The following EHD2 variants were observed in gnomAD, a reference collection of about 807,000 sequenced individuals.
EHD2 encodes the protein EH domain-containing protein 2.
A neutral mutation model predicts 41.0 loss-of-function variants in EHD2; 27 were observed. That is an observed-to-expected ratio of 0.66 (90% CI 0.49 to 0.91). The LOEUF is 0.91. Among genes scored for constraint, EHD2 ranks in the 40% least tolerant of loss-of-function variants. The pLI, the probability that EHD2 is intolerant of heterozygous loss-of-function variation, is 0.00. For missense variants in EHD2, 673 were observed against 773.9 expected, an observed-to-expected ratio of 0.87 and a Z score of 1.55; for synonymous variants, 342 against 341.0, an observed-to-expected ratio of 1.00 and a Z score of -0.03.
At chr19:47,737,593 G>C (rs1365955558) in intron 5 of EHD2, among the ~76,000 whole-genome samples, 1 of 151,900 alleles carries the variant, frequency 6.6e-6, no homozygotes, top group Non-Finnish European at 1.5e-5. Context: ...GGAGGCAGAG[G>C]TTGCAGTGAG....
At position 47,725,930 on chromosome 19, in the gene EHD2, G is replaced by A. The variant is rs1973746121; in HGVS notation, c.621G>A (p.Leu207=). ...SDEFSEAIGA[L]RGHEDKIRVV... ...AGTTCTCAGAGGCCATCGGCGCGTT[G>A]CGGGGCCATGAGGACAAGATCCGCG... is the stretch of plus-strand genomic sequence containing the variant. Residue 207 remains leucine, a synonymous_variant, in exon 4 of 6, where the codon TTG becomes TTA. Coordinates refer to ENST00000263277, the MANE Select transcript of EHD2 (RefSeq NM_014601.4). 2.5e-6 allele frequency: 4 copies of A among 1,613,954 alleles called. No individual in the cohort carries two copies. Among genetic ancestry groups the A allele is most frequent in the Non-Finnish European group, 3.4e-6 (4 of 1,179,862 alleles).
Position 47,728,535 on chromosome 19 carries a change from C to CTCTT in EHD2, c.915+2319_915+2322dup, listed in dbSNP as rs200597336. Among the ~76,000 whole-genome samples the CTCTT allele has an allele frequency of 5.4e-3, 818 of 150,584 alleles. 7 individuals are homozygous for CTCTT. Among genetic ancestry groups the CTCTT allele is most frequent in the African/African-American group, 0.019 (780 of 40,850 alleles). On this transcript the variant is annotated intron_variant, in intron 4 of 5. Transcript: ENST00000263277. ...TCTCTCTTTCTCTGTTTCTCTTTCT[C>CTCTT]TCTTTCTTTCTCTTTCTCTTTCTTT... is the stretch of plus-strand genomic sequence containing the variant.
In EHD2 at chr19:47,741,514, C is replaced by A; in HGVS notation, c.*82C>A. 1 of 1,429,116 alleles carries A rather than the reference C, an allele frequency of 7.0e-7. No individual in the cohort carries two copies. The highest frequency in any genetic ancestry group is 9.4e-7 in the Non-Finnish European group (1 of 1,068,082). 88.5% of individuals were successfully genotyped at this position (1,429,116 alleles called of 1,614,324 possible). ...ACACCCCTGCTCCGGCTCACACACG[C>A]CCTGCCTGCCCTCCCTGCCCAGCTG... is the stretch of plus-strand genomic sequence containing the variant. On this transcript the variant is annotated 3_prime_UTR_variant, in exon 6 of 6. Transcript: ENST00000263277. The surrounding 1 kb of genome is among the most constrained non-coding windows in gnomAD (Gnocchi z 4.5).
chr19:47,718,938 C>T (rs1431028862), intron 3 of EHD2, among the ~76,000 whole-genome samples: 9 of 149,712 alleles, frequency 6.0e-5, no homozygotes, highest in African/African-American at 2.3e-4. Flanking sequence ...GGGGCTGGGC[C>T]TGGACTCCTG....
chr19:47,714,981 T>A (rs1003963530), intron 1 of EHD2, among the ~76,000 whole-genome samples: 1 of 151,822 alleles, frequency 6.6e-6, no homozygotes, highest in African/African-American at 2.4e-5. Context: ...AAGGCTGCAG[T>A]GAGCTGAGAT....
chr19:47,724,257 T>A (rs951781445), intron 3 of EHD2, among the ~76,000 whole-genome samples: 2 of 151,882 alleles, frequency 1.3e-5, no homozygotes, highest in Non-Finnish European at 2.9e-5. Flanking sequence ...TTTTTTTGTA[T>A]TTTTAGGGCT....
At chr19:47,723,202 G>C (rs1195009071) in intron 3 of EHD2, among the ~76,000 whole-genome samples, 2 of 152,130 alleles carry the variant, frequency 1.3e-5, no homozygotes, top group Non-Finnish European at 2.9e-5. Context: ...GCTGAGAGAT[G>C]TAAGGACAAA....
intron 4 of EHD2, among the ~76,000 whole-genome samples, chr19:47,728,027 C>G (rs1339950440): frequency 1.4e-5 from 2 of 146,074 alleles, no homozygotes; most frequent in Non-Finnish European, 3.0e-5. Context: ...ACCCGGGAGG[C>G]AGAGGTTGCA....
chr19:47,713,986 G>A (rs1048818067), intron 1 of EHD2, among the ~76,000 whole-genome samples: 4 of 151,934 alleles, frequency 2.6e-5, no homozygotes, highest in East Asian at 1.9e-4. Flanking sequence ...CTGGGACACC[G>A]CCCAGAGCCC....
chr19:47,722,083 A>G (rs1177104416), intron 3 of EHD2, among the ~76,000 whole-genome samples: 1 of 151,534 alleles, frequency 6.6e-6, no homozygotes, highest in Non-Finnish European at 1.5e-5. Context: ...TAGCGGCCTC[A>G]TAGTTGTCCT....
intron 4 of EHD2, among the ~76,000 whole-genome samples, chr19:47,734,271 G>A (rs938003474): frequency 1.8e-4 from 28 of 151,650 alleles, no homozygotes; most frequent in Non-Finnish European, 1.3e-4. Flanking sequence ...GAAGGTGGAG[G>A]TTGCACTGAG....
intron 5 of EHD2, among the ~76,000 whole-genome samples, chr19:47,739,856 T>C (rs946884832): frequency 6.6e-6 from 1 of 151,838 alleles, no homozygotes; most frequent in African/African-American, 2.4e-5. Flanking sequence ...GAGAAAGCTA[T>C]ACTTGATGCG....
intron 5 of EHD2, among the ~76,000 whole-genome samples, chr19:47,739,426 C>A (rs1270170067): frequency 6.7e-6 from 1 of 148,842 alleles, no homozygotes; most frequent in Non-Finnish European, 1.5e-5. Flanking sequence ...CATGGCGAAA[C>A]CCCATCTCTA....
rs1455017472 is a variant in EHD2 at position 47,731,276 on chromosome 19, AAAAAT to A, written c.915+5054_915+5058del. ...TAAATTTGTGATTCTTTAAAAAAAA[AAAAAT>A]ATATATATATATATATATATACATA... On this transcript the variant is annotated intron_variant, in intron 4 of 5. Transcript: ENST00000263277. The A allele has an allele frequency of 5.1e-3, 207 of 40,278 alleles. 3 individuals carry two copies. Among genetic ancestry groups the A allele is most frequent in the African/African-American group, 0.014 (199 of 14,026 alleles). 2.5% of individuals were successfully genotyped at this position (40,278 alleles called of 1,614,324 possible). A position where few individuals can be genotyped will look rare whatever the true frequency, so the allele number is the denominator to read the frequency against.
intron 4 of EHD2, among the ~76,000 whole-genome samples, chr19:47,735,581 G>A (rs1966912774): frequency 6.7e-6 from 1 of 149,966 alleles, no homozygotes; most frequent in Admixed American, 6.6e-5. Flanking sequence ...CTGGGTGATA[G>A]AGCGAGACCC....
At position 47,736,256 on chromosome 19, in the gene EHD2, C is replaced by T; in HGVS notation, c.916-113C>T. 3.1e-6 allele frequency: 3 copies of T among 956,192 alleles called. No individual in the cohort carries two copies. The South Asian group carries it at 5.3e-5, about 17-fold the overall frequency. The allele number at this position is 956,192 out of a possible 1,614,324, so 59.2% of individuals were successfully genotyped here. ...AATAAAAGAAATACAAATTCTCATG[C>T]CCCAGCCCAGACCAAGTAAATCAGA... On this transcript the variant is annotated intron_variant, in intron 4 of 5. Transcript: ENST00000263277.
At position 47,719,021 on chromosome 19, in the gene EHD2, T is replaced by C. The variant is rs1973667024; in HGVS notation, c.502+415T>C. 6.6e-6 allele frequency among the ~76,000 whole-genome samples: 1 copy of C among 152,130 alleles called. No homozygotes were observed. Among genetic ancestry groups the C allele is most frequent in the African/African-American group, 2.4e-5 (1 of 41,428 alleles). On this transcript the variant is annotated intron_variant, in intron 3 of 5. Transcript: ENST00000263277. This position sits in a 1 kb window ranked among gnomAD's most constrained non-coding sequence, Gnocchi z 4.1. ...GGAGGGGCGGTGTCTCCGCTGGGAC[T>C]TGGGCCTGTGTCCTCTGGCCCTGGC...
In EHD2 at chr19:47,733,751, C is replaced by CAAAAAAAAAAAAAAAAAAA. The variant is rs34254815; in HGVS notation, c.916-2612_916-2594dup. Among the ~76,000 whole-genome samples, 61 of 57,118 alleles carry CAAAAAAAAAAAAAAAAAAA rather than the reference C, an allele frequency of 1.1e-3. 9 individuals carry two copies. Among genetic ancestry groups the CAAAAAAAAAAAAAAAAAAA allele is most frequent in the Non-Finnish European group, 1.7e-3 (50 of 30,146 alleles). The allele number at this position is 57,118 out of a possible 152,430, so 37.5% of individuals were successfully genotyped here. On this transcript the variant is annotated intron_variant, in intron 4 of 5. Transcript: ENST00000263277. ...TGGGTGACAGAGCAAGACTCTGTCT[C>CAAAAAAAAAAAAAAAAAAA]AAAAAAAAAAAAAAAAAAAAAAAAT...
In EHD2 at chr19:47,741,030, G is replaced by C. The variant is rs753444419; in HGVS notation, c.1230G>C (p.Gln410His). 3 of 1,609,900 alleles carry C rather than the reference G, an allele frequency of 1.9e-6. No individual in the cohort carries two copies. Among genetic ancestry groups the C allele is most frequent in the Non-Finnish European group, 2.5e-6 (3 of 1,179,688 alleles). ...TGGAGAGCACCGAGGTGGGCGTGCA[G>C]GGGGGCGCTTTTGAGGGCACCCACA... ...EELESTEVGV[Q>H]GGAFEGTHMG... The change falls in exon 6 of 6, where the codon CAG (glutamine) becomes CAC (histidine). Residue 410 changes from glutamine to histidine, a missense_variant. Physicochemically the swap from Gln to His is conservative, Grantham distance 24 (BLOSUM62 0). Transcript: ENST00000263277. The surrounding 1 kb of genome is among the most constrained non-coding windows in gnomAD (Gnocchi z 4.5).
Sources: allele counts gnomAD v4.1 joint callset (sites outside exome capture counted in the v4.1 genomes callset), GRCh38; gene constraint gnomAD v4.1.1; non-coding constraint Gnocchi (gnomAD v3.1); transcripts MANE v1.5; gene names NCBI Gene and HGNC (gene_info 2026-07-23, HGNC 2026-07-21).